The following DERA variants were observed in gnomAD, a reference collection of about 807,000 sequenced individuals.
The protein encoded by DERA is 2-deoxy-D-ribose 5-phosphate aldolase.
A neutral mutation model predicts 41.1 loss-of-function variants in DERA; 15 were observed. The ratio of observed to expected loss-of-function variants is 0.37; its 90% confidence interval spans 0.24 to 0.56. The LOEUF is 0.56. Among genes scored for constraint, DERA ranks in the 20% least tolerant of loss-of-function variants. The pLI is 0.81. For missense variants in DERA, 396 were observed against 403.4 expected (o/e 0.98, Z 0.16); for synonymous variants, 139 against 137.4 (o/e 1.01, Z -0.08).
rs916614378 is a variant in DERA at position 16,021,146 on chromosome 12, G to A, written c.638-11396G>A. 1.3e-5 allele frequency among the ~76,000 whole-genome samples: 2 copies of A among 152,212 alleles called. No individual in the cohort carries two copies. Among genetic ancestry groups the A allele is most frequent in the African/African-American group, 2.4e-5 (1 of 41,460 alleles). ...ATATAAGACTGTGGGGAAAAGACTTGAAGGCATTTCAGAGGTCTTCGAAGC... is the reference window on the plus strand; with the variant it reads ...ATATAAGACTGTGGGGAAAAGACTTAAAGGCATTTCAGAGGTCTTCGAAGC... On this transcript the variant is annotated intron_variant, in intron 6 of 8. Coordinates refer to ENST00000428559, the MANE Select transcript of DERA (RefSeq NM_015954.4). This position sits in a 1 kb window ranked among gnomAD's most constrained non-coding sequence, Gnocchi z 5.3.
At position 15,934,674 on chromosome 12, in the gene DERA, T is replaced by C. The variant is rs1160128597; in HGVS notation, c.32-22262T>C. The stretch of plus-strand genomic sequence containing the variant: ...AAATGGGTGGGAAACTTAACAGATA[T>C]TTTAACTGCCTCTTTCTTCGACTTC... On this transcript the variant is annotated intron_variant, in intron 1 of 8. Transcript: ENST00000428559. 3.9e-5 allele frequency among the ~76,000 whole-genome samples: 6 copies of C among 152,106 alleles called. No individual in the cohort carries two copies. In the East Asian group the frequency reaches 1.2e-3, roughly 29 times the overall value.
intron 1 of DERA, among the ~76,000 whole-genome samples, chr12:15,925,676 T>C (rs946957521): frequency 2.0e-5 from 3 of 152,130 alleles, no homozygotes; most frequent in African/African-American, 4.8e-5. Flanking sequence ...TATCATCTCC[T>C]GAAGAAGTAG....
Position 15,988,633 on chromosome 12 carries a change from A to G in DERA, c.637+6197A>G, listed in dbSNP as rs955208684. Reference sequence around the variant, plus strand: ...CATCGGACTGCCTGAATGGTCATCAATGAAGTTCTCACTCCAGGCTGTGGC... The same window carrying G: ...CATCGGACTGCCTGAATGGTCATCAGTGAAGTTCTCACTCCAGGCTGTGGC... On this transcript the variant is annotated intron_variant, in intron 6 of 8. Transcript: ENST00000428559. This position sits in a 1 kb window ranked among gnomAD's most constrained non-coding sequence, Gnocchi z 6.0. Among the ~76,000 whole-genome samples the G allele has an allele frequency of 1.3e-5, 2 of 152,132 alleles. No individual in the cohort carries two copies. Among genetic ancestry groups the G allele is most frequent in the African/African-American group, 2.4e-5 (1 of 41,458 alleles).
At chr12:15,914,089 A>T (rs528346693) in intron 1 of DERA, among the ~76,000 whole-genome samples, 1 of 152,268 alleles carries the variant, frequency 6.6e-6, no homozygotes, top group South Asian at 2.1e-4. Flanking sequence ...GGCCCTCAAA[A>T]ATGTCTTGAG....
At chr12:16,028,113 A>C (rs1307032105) in intron 6 of DERA, among the ~76,000 whole-genome samples, 3 of 152,232 alleles carry the variant, frequency 2.0e-5, no homozygotes, top group African/African-American at 7.2e-5. Context: ...CCTAGCACCC[A>C]TATAGTGGTT....
At position 16,010,604 on chromosome 12, in the gene DERA, G is replaced by T. The variant is rs1156727833; in HGVS notation, c.638-21938G>T. The stretch of plus-strand genomic sequence containing the variant: ...TGAAAAATAGAGACAGAATTTTAAT[G>T]TGAAAATTGTTTATGAACAGAAGGA... On this transcript the variant is annotated intron_variant, in intron 6 of 8. Transcript: ENST00000428559. This position sits in a 1 kb window ranked among gnomAD's most constrained non-coding sequence, Gnocchi z 5.5. Among the ~76,000 whole-genome samples, 1 of 152,078 alleles carries T rather than the reference G, an allele frequency of 6.6e-6. No individual in the cohort carries two copies. Among genetic ancestry groups the T allele is most frequent in the Admixed American group, 6.6e-5 (1 of 15,262 alleles).
chr12:15,986,006 T>C (rs1436643041), intron 6 of DERA, among the ~76,000 whole-genome samples: 1 of 152,148 alleles, frequency 6.6e-6, no homozygotes, highest in African/African-American at 2.4e-5. Context: ...TGTCAGTTTT[T>C]TCATCATGTA....
rs1034711618 is a variant in DERA, at chr12:15,995,586, T to G, written c.637+13150T>G. 3.3e-5 allele frequency among the ~76,000 whole-genome samples: 5 copies of G among 152,148 alleles called. No individual in the cohort carries two copies. The highest frequency in any genetic ancestry group is 7.4e-5 in the Non-Finnish European group (5 of 68,026). On this transcript the variant is annotated intron_variant, in intron 6 of 8. Transcript: ENST00000428559. The surrounding 1 kb of genome is among the most constrained non-coding windows in gnomAD (Gnocchi z 5.1). ...GCTAGGGAGTGACAAGAAAAGCAGA[T>G]CTTTCTGTTTTCCACCTGATGGAGG...
At chr12:16,018,139 T>C (rs1191840370) in intron 6 of DERA, among the ~76,000 whole-genome samples, 3 of 152,212 alleles carry the variant, frequency 2.0e-5, no homozygotes, top group Non-Finnish European at 4.4e-5. Flanking sequence ...TATTATACAG[T>C]AGTAGCCTTA....
chr12:15,926,649 T>C (rs1432744998), intron 1 of DERA, among the ~76,000 whole-genome samples: 2 of 145,370 alleles, frequency 1.4e-5, no homozygotes, highest in Non-Finnish European at 3.0e-5. Flanking sequence ...GGCAGGGGAA[T>C]GGCGTGAACC....
chr12:15,959,334 G>A lies in DERA; in HGVS notation c.278-495G>A, dbSNP rs962658178. On this transcript the variant is annotated intron_variant, in intron 3 of 8. Coordinates refer to ENST00000428559, the MANE Select transcript of DERA (RefSeq NM_015954.4). The surrounding 1 kb of genome is among the most constrained non-coding windows in gnomAD (Gnocchi z 4.5). ...TATGAACTTATTTCTTAAAATCAGG[G>A]CTTCCGTTTCAGATTTTATTATTTC... Among the ~76,000 whole-genome samples, 1 of 152,150 alleles carries A rather than the reference G, an allele frequency of 6.6e-6. No individual in the cohort carries two copies. Among genetic ancestry groups the A allele is most frequent in the East Asian group, 1.9e-4 (1 of 5,184 alleles).
At chr12:15,916,415 C>T (rs1335386942) in intron 1 of DERA, 1 of 151,100 alleles carries the variant, frequency 6.6e-6, no homozygotes, top group African/African-American at 2.4e-5. Flanking sequence ...GGGCTGGCCT[C>T]AGCTTCTAGG....
intron 1 of DERA, 47 bp from the exon 2 acceptor site, chr12:15,956,889 T>C: frequency 7.3e-7 from 1 of 1,368,362 alleles, no homozygotes; most frequent in South Asian, 1.2e-5. Flanking sequence ...GGTGACTATA[T>C]TTAATGAAAC....
intron 1 of DERA, among the ~76,000 whole-genome samples, chr12:15,937,475 G>A (rs1049283905): frequency 5.9e-5 from 9 of 152,174 alleles, no homozygotes; most frequent in Non-Finnish European, 5.9e-5. Flanking sequence ...CCAGTTTCCC[G>A]CTTTGACCTG....
chr12:15,962,003 C>A (rs543122275), intron 4 of DERA, among the ~76,000 whole-genome samples: 3 of 152,302 alleles, frequency 2.0e-5, no homozygotes, highest in Admixed American at 2.0e-4. Flanking sequence ...CTTGACCTCC[C>A]AAAATGTTGG....
rs1949010933 is a variant in DERA at position 16,020,411 on chromosome 12, C to T, written c.638-12131C>T. Among the ~76,000 whole-genome samples the T allele has an allele frequency of 6.6e-6, 1 of 152,168 alleles. No individual in the cohort carries two copies. Among genetic ancestry groups the T allele is most frequent in the African/African-American group, 2.4e-5 (1 of 41,436 alleles). On this transcript the variant is annotated intron_variant, in intron 6 of 8. Transcript: ENST00000428559. The surrounding 1 kb of genome is among the most constrained non-coding windows in gnomAD (Gnocchi z 5.5). Reference sequence around the variant, plus strand: ...TCTCTTCCTACCAGAGACACCTGAACATTGGGGTGGGGGTTACAATTTGAC... The same window carrying T: ...TCTCTTCCTACCAGAGACACCTGAATATTGGGGTGGGGGTTACAATTTGAC...
chr12:15,959,563 T>C lies in DERA; in HGVS notation c.278-266T>C, dbSNP rs1024377333. On this transcript the variant is annotated intron_variant, in intron 3 of 8. Coordinates refer to ENST00000428559, the MANE Select transcript of DERA (RefSeq NM_015954.4). This position sits in a 1 kb window ranked among gnomAD's most constrained non-coding sequence, Gnocchi z 4.5. ...GATCACCAAATTTACTATTTAGACA[T>C]TTTTAAAAAACAGTACTATGTTAAT... is the stretch of plus-strand genomic sequence containing the variant. Among the ~76,000 whole-genome samples the C allele has an allele frequency of 1.3e-5, 2 of 152,196 alleles. No individual in the cohort carries two copies. Among genetic ancestry groups the C allele is most frequent in the Non-Finnish European group, 2.9e-5 (2 of 68,022 alleles).
Position 16,036,156 on chromosome 12 carries a change from C to G in DERA, c.751-76C>G. On this transcript the variant is annotated intron_variant, in intron 7 of 8. Coordinates refer to ENST00000428559, the MANE Select transcript of DERA (RefSeq NM_015954.4). This position sits in a 1 kb window ranked among gnomAD's most constrained non-coding sequence, Gnocchi z 4.9. ...AAGAGGGAGAGAGAGAATCAAGACTCTGATAAACATAGTACTATTTTTAAA... is the reference window on the plus strand; with the variant it reads ...AAGAGGGAGAGAGAGAATCAAGACTGTGATAAACATAGTACTATTTTTAAA... 1 of 1,273,156 alleles carries G rather than the reference C, an allele frequency of 7.9e-7. No homozygotes were observed. Among genetic ancestry groups the G allele is most frequent in the African/African-American group, 1.5e-5 (1 of 64,568 alleles). 78.9% of individuals were successfully genotyped at this position (1,273,156 alleles called of 1,614,324 possible). A position where few individuals can be genotyped will look rare whatever the true frequency, so the allele number is the denominator to read the frequency against.
At position 15,911,867 on chromosome 12, in the gene DERA, GAA is replaced by G. The variant is rs1284442083; in HGVS notation, c.31+456_31+457del. ...TAACCTTGAAGTGGCCGTGCTCGTG[GAA>G]AAGTTGTCAGCCGTCTGTGCTCAAA... On this transcript the variant is annotated intron_variant, in intron 1 of 8. Coordinates refer to ENST00000428559, the MANE Select transcript of DERA (RefSeq NM_015954.4). The surrounding 1 kb of genome is among the most constrained non-coding windows in gnomAD (Gnocchi z 4.5). 2 of 434,740 alleles carry G rather than the reference GAA, an allele frequency of 4.6e-6. No homozygotes were observed. The highest frequency in any genetic ancestry group is 1.4e-4 in the East Asian group (2 of 14,264). 26.9% of individuals were successfully genotyped at this position (434,740 alleles called of 1,614,324 possible).
Sources: allele counts gnomAD v4.1 joint callset (sites outside exome capture counted in the v4.1 genomes callset), GRCh38; gene constraint gnomAD v4.1.1; non-coding constraint Gnocchi (gnomAD v3.1); transcripts MANE v1.5; gene names NCBI Gene and HGNC (gene_info 2026-07-23, HGNC 2026-07-21).